The following PPM1B variants were observed in gnomAD, a reference collection of about 807,000 sequenced individuals.
The protein encoded by PPM1B is protein phosphatase 1B.
Under a neutral mutation model 43.0 loss-of-function variants are expected in PPM1B, and 22 were observed. The ratio of observed to expected loss-of-function variants is 0.51; its 90% CI spans 0.37 to 0.73. The LOEUF (loss-of-function observed/expected upper bound fraction) is 0.73. Among genes scored for constraint, PPM1B ranks in the 30% least tolerant of loss-of-function variants. The probability of loss-of-function intolerance (pLI) is 0.00; values close to 1 mark genes in which losing one functional copy is unlikely to be tolerated. For synonymous variants in PPM1B, 217 were observed against 197.9 expected, an observed-to-expected ratio of 1.10 and a Z score of -0.81; for missense variants, 632 against 584.2, an observed-to-expected ratio of 1.08 and a Z score of -0.84.
intron 3 of PPM1B, among the ~76,000 whole-genome samples, chr2:44,213,104 CTT>C (rs57890131): frequency 7.0e-4 from 92 of 131,516 alleles, no homozygotes; most frequent in African/African-American, 1.3e-3. Context: ...TCTTAAGGCC[CTT>C]TTTTTTTTTT....
At chr2:44,179,038 C>A (rs1011009326) in intron 1 of PPM1B, among the ~76,000 whole-genome samples, 5 of 152,104 alleles carry the variant, frequency 3.3e-5, no homozygotes, top group East Asian at 1.9e-4. Flanking sequence ...TGAGAGGGAC[C>A]CCATGGGAGG....
chr2:44,180,170 T>G (rs1179519808), intron 1 of PPM1B, among the ~76,000 whole-genome samples: 1 of 152,182 alleles, frequency 6.6e-6, no homozygotes, highest in Non-Finnish European at 1.5e-5. Flanking sequence ...GAAACAATCC[T>G]TTGTATGTAT....
intron 3 of PPM1B, among the ~76,000 whole-genome samples, chr2:44,210,202 C>T (rs966900630): frequency 6.7e-6 from 1 of 148,906 alleles, no homozygotes; most frequent in African/African-American, 2.5e-5. Context: ...TTTTAAACTT[C>T]ATTTGGCAAT....
At position 44,240,157 on chromosome 2, in the gene PPM1B, G is replaced by A. The variant is rs1382919149; in HGVS notation, n.1547-4071G>A. On this transcript the variant is annotated intron_variant and non_coding_transcript_variant, in intron 5 of 5. Coordinates refer to the PPM1B transcript ENST00000378540. Reference sequence around the variant, plus strand: ...CAAAGTACTGGGAGTACAGACATGAGCCACCGCACATGGCCTAAATCTAGT... The same window carrying A: ...CAAAGTACTGGGAGTACAGACATGAACCACCGCACATGGCCTAAATCTAGT... Among the ~76,000 whole-genome samples the A allele has an allele frequency of 1.4e-5, 2 of 145,740 alleles. 1 individual carries two copies. Among genetic ancestry groups the A allele is most frequent in the African/African-American group, 4.9e-5 (2 of 40,750 alleles).
chr2:44,231,251 T>C lies in PPM1B; in HGVS notation c.*533T>C. 1 of 978,802 alleles carries C rather than the reference T, an allele frequency of 1.0e-6. No homozygotes were observed. Among genetic ancestry groups the C allele is most frequent in the African/African-American group, 1.7e-5 (1 of 57,208 alleles). The allele number at this position is 978,802 out of a possible 1,614,324, so 60.6% of individuals were successfully genotyped here. On this transcript the variant is annotated 3_prime_UTR_variant, in exon 6 of 6. Transcript: ENST00000282412. The stretch of plus-strand genomic sequence containing the variant: ...TTTATATTTTACATCTCTGTAGTTT[T>C]ATTTTTAGAAGTTGTGAGATATTGG...
chr2:44,222,513 CA>C (rs1372460560), intron 5 of PPM1B, among the ~76,000 whole-genome samples: 2 of 152,130 alleles, frequency 1.3e-5, no homozygotes, highest in Non-Finnish European at 2.9e-5. Flanking sequence ...TAAAGTTGAG[CA>C]GGGGGGTGAC....
intron 1 of PPM1B, among the ~76,000 whole-genome samples, chr2:44,174,484 G>A (rs1667488926): frequency 1.3e-5 from 2 of 152,186 alleles, no homozygotes; most frequent in Non-Finnish European, 2.9e-5. Context: ...AGAATCAGTT[G>A]TGAATGAAAA....
chr2:44,183,814 C>T (rs566896866), intron 1 of PPM1B, among the ~76,000 whole-genome samples: 1 of 152,308 alleles, frequency 6.6e-6, no homozygotes, highest in East Asian at 1.9e-4. Flanking sequence ...TCTCGGCTCA[C>T]TGCAAGCTCC....
At position 44,230,837 on chromosome 2, in the gene PPM1B, CA is replaced by C; in HGVS notation, c.*120del. On this transcript the variant is annotated 3_prime_UTR_variant, in exon 6 of 6. Coordinates refer to ENST00000282412, the MANE Select transcript of PPM1B (RefSeq NM_002706.6). ...CTTGGAAAACTAGTTTTATTATATT[CA>C]GATAGCCTTGTTTTTTAAAAAGGCC... is the stretch of plus-strand genomic sequence containing the variant. The C allele has an allele frequency of 1.4e-6, 2 of 1,449,434 alleles. No homozygotes were observed. The highest frequency in any genetic ancestry group is 4.9e-5 in the East Asian group (2 of 40,602). The allele number at this position is 1,449,434 out of a possible 1,614,324, so 89.8% of individuals were successfully genotyped here. A position where few individuals can be genotyped will look rare whatever the true frequency, so the allele number is the denominator to read the frequency against.
chr2:44,234,231 C>T, downstream of PPM1B: 1 of 982,288 alleles, frequency 1.0e-6, no homozygotes, highest in Non-Finnish European at 1.2e-6. Context: ...TTAAAAAAAC[C>T]TGCCTTTGGC....
chr2:44,171,117 C>T (rs896095494), intron 1 of PPM1B, among the ~76,000 whole-genome samples: 1 of 152,148 alleles, frequency 6.6e-6, no homozygotes, highest in Non-Finnish European at 1.5e-5. Flanking sequence ...AGTACATTAT[C>T]CTCTGGATTT....
chr2:44,224,315 C>T (rs913385370), intron 5 of PPM1B, among the ~76,000 whole-genome samples: 1 of 151,844 alleles, frequency 6.6e-6, no homozygotes, highest in East Asian at 1.9e-4. Flanking sequence ...ATTAGCCGGG[C>T]GTGGTGGCGG....
chr2:44,221,062 TGATA>T (rs1669958018), intron 5 of PPM1B, among the ~76,000 whole-genome samples: 1 of 152,228 alleles, frequency 6.6e-6, no homozygotes, highest in African/African-American at 2.4e-5. Flanking sequence ...AGCATAAGAA[TGATA>T]GATTCAAAAA....
intron 1 of PPM1B, among the ~76,000 whole-genome samples, chr2:44,189,031 G>A (rs1186707000): frequency 6.6e-6 from 1 of 151,860 alleles, no homozygotes; most frequent in Non-Finnish European, 1.5e-5. Context: ...CACCACACCT[G>A]GCTAATCTTT....
intron 1 of PPM1B, among the ~76,000 whole-genome samples, chr2:44,180,584 T>G (rs1283876670): frequency 1.3e-5 from 2 of 152,162 alleles, no homozygotes; most frequent in African/African-American, 4.8e-5. Context: ...ACTAGGACAT[T>G]CTTTCTTGAA....
At chr2:44,194,669 G>A (rs1668571929) in intron 1 of PPM1B, among the ~76,000 whole-genome samples, 1 of 151,738 alleles carries the variant, frequency 6.6e-6, no homozygotes, top group African/African-American at 2.4e-5. Context: ...CTTGCAGTGA[G>A]CCGAGATCGC....
chr2:44,232,635 C>G (rs1670500736), downstream of PPM1B: 2 of 1,224,072 alleles, frequency 1.6e-6, no homozygotes, highest in Admixed American at 8.6e-5. Context: ...CACCACAAAT[C>G]AACAATGTGC....
intron 5 of PPM1B, chr2:44,230,086 C>T: frequency 1.3e-6 from 2 of 1,521,032 alleles, no homozygotes; most frequent in Admixed American, 4.9e-5. Context: ...AATCATATAG[C>T]CAAATATTGT....
At chr2:44,187,941 G>C (rs916490835) in intron 1 of PPM1B, among the ~76,000 whole-genome samples, 1 of 152,018 alleles carries the variant, frequency 6.6e-6, no homozygotes, top group Non-Finnish European at 1.5e-5. Context: ...TATTAGAGAC[G>C]GGGTTTCACC....
Sources: allele counts gnomAD v4.1 joint callset (sites outside exome capture counted in the v4.1 genomes callset), GRCh38; gene constraint gnomAD v4.1.1; transcripts MANE v1.5; gene names NCBI Gene and HGNC (gene_info 2026-07-23, HGNC 2026-07-21).